ASTL: variants seen among roughly 807,000 people sequenced by gnomAD.
The protein encoded by ASTL is astacin-like metalloendopeptidase.
Under a neutral mutation model 36.7 loss-of-function variants are expected in ASTL, and 27 were observed. The observed-to-expected ratio is 0.73, with a 90% CI of 0.54 to 1.01. The LOEUF is 1.01. Among genes scored for constraint, ASTL ranks in the 50% least tolerant of loss-of-function variants. The pLI, the probability that ASTL is intolerant of heterozygous loss-of-function variation, is 0.00. For missense variants in ASTL, 524 were observed against 572.8 expected (o/e 0.91, Z 0.87); for synonymous variants, 222 against 228.1 (o/e 0.97, Z 0.24).
chr2:96,133,357 A>C, intron 5 of ASTL, 68 bp downstream of exon 5: 8 of 1,086,072 alleles, frequency 7.4e-6, no homozygotes, highest in Non-Finnish European at 1.0e-5. Flanking sequence ...ATTTTAGACA[A>C]TGGCCAAGTT....
chr2:96,134,050 G>C lies in ASTL; in HGVS notation c.252C>G (p.Phe84Leu). Residue 84 changes from phenylalanine (F) to leucine (L), a missense_variant, in exon 4 of 9, where the codon TTC (phenylalanine) becomes TTG (leucine). Transcript: ENST00000342380. ...IEGDIIRPSPFRLLSATSNKW... is the reference protein window; with the variant it reads ...IEGDIIRPSPLRLLSATSNKW... ...TGTTGCTGGTTGCTGACAGCAGTCG[G>C]AAGGGACTCTGAGGAGAGAGCAGCA... 6.2e-7 allele frequency: 1 copy of C among 1,612,970 alleles called. No homozygotes were observed. Among genetic ancestry groups the C allele is most frequent in the South Asian group, 1.1e-5 (1 of 91,048 alleles).
Position 96,123,967 on chromosome 2 carries a change from G to C in ASTL, c.1179C>G (p.Thr393=). 6.2e-7 allele frequency: 1 copy of C among 1,614,018 alleles called. No individual in the cohort carries two copies. The highest frequency in any genetic ancestry group is 1.7e-4 in the Middle Eastern group (1 of 6,058). Residue 393 remains threonine, a synonymous_variant, in exon 9 of 9, where the codon ACC becomes ACG. Coordinates refer to ENST00000342380, the MANE Select transcript of ASTL (RefSeq NM_001002036.4). The part of the protein sequence containing the change: ...QEQSWLAGVS[T]KPTVPSSEAG... ...CTTCTGAAGATGGGACTGTGGGCTT[G>C]GTGGACACTCCGGCCAGCCAGGACT...
chr2:96,132,798 C>T lies in ASTL; in HGVS notation c.456-77G>A. 1 of 1,357,840 alleles carries T rather than the reference C, an allele frequency of 7.4e-7. No homozygotes were observed. The highest frequency in any genetic ancestry group is 1.0e-6 in the Non-Finnish European group (1 of 988,668). 84.1% of individuals were successfully genotyped at this position (1,357,840 alleles called of 1,614,324 possible). On this transcript the variant is annotated intron_variant, in intron 5 of 8. Coordinates refer to ENST00000342380, the MANE Select transcript of ASTL (RefSeq NM_001002036.4). This position sits in a 1 kb window ranked among gnomAD's most constrained non-coding sequence, Gnocchi z 5.4. The stretch of plus-strand genomic sequence containing the variant: ...ACATACAGACCTGGGCTCTCCCTCC[C>T]CACACAACACAAGATAGACAAACTC...
Position 96,132,462 on chromosome 2 carries a change from T to C in ASTL, c.637+78A>G, listed in dbSNP as rs1682199682. 3 of 1,377,572 alleles carry C rather than the reference T, an allele frequency of 2.2e-6. No individual in the cohort carries two copies. The highest frequency in any genetic ancestry group is 1.4e-5 in the South Asian group (1 of 71,806). 85.3% of individuals were successfully genotyped at this position (1,377,572 alleles called of 1,614,324 possible). ...TGGGGAGGATGGATAGCCTCACCCA[T>C]GGGGACCAGGCGACTTGGGCCCAAG... On this transcript the variant is annotated intron_variant, in intron 6 of 8. Transcript: ENST00000342380. This position sits in a 1 kb window ranked among gnomAD's most constrained non-coding sequence, Gnocchi z 5.4.
At chr2:96,131,523 G>A (rs557244499) in intron 6 of ASTL, among the ~76,000 whole-genome samples, 3 of 152,254 alleles carry the variant, frequency 2.0e-5, no homozygotes, top group African/African-American at 7.2e-5. Context: ...GCATTGGGAA[G>A]GATCAGTCTG....
intron 1 of ASTL, 68 bp downstream of exon 1, chr2:96,138,314 C>A: frequency 2.1e-6 from 3 of 1,434,878 alleles, no homozygotes; most frequent in Admixed American, 1.9e-5. Context: ...CCAGCCACAA[C>A]CTTCTAGCCT....
chr2:96,129,691 C>T lies in ASTL; in HGVS notation c.874+133G>A, dbSNP rs150250190. ...CTTTCCTCAAGTGCTTGTTCTGCGT[C>T]GTTGTGGCAAGCCCCCGTGATCTCA... is the stretch of plus-strand genomic sequence containing the variant. On this transcript the variant is annotated intron_variant, in intron 8 of 8. Coordinates refer to ENST00000342380, the MANE Select transcript of ASTL (RefSeq NM_001002036.4). The T allele has an allele frequency of 6.2e-4, 476 of 762,928 alleles. 6 individuals carry two copies. The East Asian group carries it at 0.012, about 20-fold the overall frequency. 47.3% of individuals were successfully genotyped at this position (762,928 alleles called of 1,614,324 possible).
chr2:96,137,499 T>G (rs1682324850), intron 2 of ASTL, 76 bp downstream of exon 2: 1 of 1,522,736 alleles, frequency 6.6e-7, no homozygotes, highest in Admixed American at 1.8e-5. Flanking sequence ...GCTCTGCATT[T>G]CTGAGTGTTC....
At chr2:96,130,881 A>AT (rs1682164706) in intron 6 of ASTL, among the ~76,000 whole-genome samples, 1 of 152,158 alleles carries the variant, frequency 6.6e-6, no homozygotes, top group African/African-American at 2.4e-5. Context: ...TAGTATATTC[A>AT]TTTGGTTCAA....
rs1227342446 is a variant in ASTL, at chr2:96,123,520, G to A, written c.*330C>T. On this transcript the variant is annotated 3_prime_UTR_variant, in exon 9 of 9. Coordinates refer to ENST00000342380, the MANE Select transcript of ASTL (RefSeq NM_001002036.4). ...AGGAGGGATTCCAGGGTTCTGCGGG[G>A]CTGGAACCTACCTCTTCCCCACCCC... Among the ~76,000 whole-genome samples the A allele has an allele frequency of 6.6e-6, 1 of 152,154 alleles. No homozygotes were observed. The highest frequency in any genetic ancestry group is 6.5e-5 in the Admixed American group (1 of 15,286).
At chr2:96,137,789 C>T (rs1266858271) in intron 1 of ASTL, 89 bp from the exon 2 acceptor site, 1 of 1,366,692 alleles carries the variant, frequency 7.3e-7, no homozygotes, top group African/African-American at 1.4e-5. Context: ...TGTGGGGGAT[C>T]AGACGGTAAG....
Position 96,130,550 on chromosome 2 carries a change from C to T in ASTL, c.638-405G>A, listed in dbSNP as rs183526799. On this transcript the variant is annotated intron_variant, in intron 6 of 8. Transcript: ENST00000342380. ...TTGACCCAGCTTTAAAAAGCTGCCA[C>T]GCTGTCATCTGCAGTGGTGATGCCC... Among the ~76,000 whole-genome samples, 20 of 152,358 alleles carry T rather than the reference C, an allele frequency of 1.3e-4. No homozygotes were observed. In the East Asian group the frequency reaches 1.7e-3, roughly 13 times the overall value.
At position 96,122,863 on chromosome 2, in the gene ASTL, C is replaced by A. The variant is rs1431455666; in HGVS notation, c.*987G>T. ...TTATTTCCTCCCCCAACATGTGGGGCTCCTGCCCCTTCTACCCCAAGCAGG... is the reference window on the plus strand; with the variant it reads ...TTATTTCCTCCCCCAACATGTGGGGATCCTGCCCCTTCTACCCCAAGCAGG... On this transcript the variant is annotated 3_prime_UTR_variant, in exon 9 of 9. Transcript: ENST00000342380. Among the ~76,000 whole-genome samples the A allele has an allele frequency of 6.6e-6, 1 of 152,234 alleles. No homozygotes were observed. The highest frequency in any genetic ancestry group is 1.5e-5 in the Non-Finnish European group (1 of 68,036).
chr2:96,126,713 G>C (rs570706773), intron 8 of ASTL, among the ~76,000 whole-genome samples: 1 of 151,954 alleles, frequency 6.6e-6, no homozygotes, highest in African/African-American at 2.4e-5. Flanking sequence ...AAAATTAGCC[G>C]GGCATGGTGG....
In ASTL at chr2:96,124,985, A is replaced by G. The variant is rs952522301; in HGVS notation, c.875-714T>C. Among the ~76,000 whole-genome samples, 2 of 152,186 alleles carry G rather than the reference A, an allele frequency of 1.3e-5. No homozygotes were observed. The highest frequency in any genetic ancestry group is 1.3e-4 in the Admixed American group (2 of 15,284). ...CCCACACCGCCCTCCAGACCTGGTCAGCACCAGGAGCTACCACCACTGCAG... is the reference window on the plus strand; with the variant it reads ...CCCACACCGCCCTCCAGACCTGGTCGGCACCAGGAGCTACCACCACTGCAG... On this transcript the variant is annotated intron_variant, in intron 8 of 8. Coordinates refer to ENST00000342380, the MANE Select transcript of ASTL (RefSeq NM_001002036.4). This position sits in a 1 kb window ranked among gnomAD's most constrained non-coding sequence, Gnocchi z 4.1.
intron 6 of ASTL, among the ~76,000 whole-genome samples, chr2:96,131,193 C>T (rs1486135697): frequency 6.6e-6 from 1 of 152,184 alleles, no homozygotes; most frequent in African/African-American, 2.4e-5. Flanking sequence ...CTTGGGTTGA[C>T]ATGCTCAATT....
At chr2:96,126,168 T>C (rs1682060015) in intron 8 of ASTL, among the ~76,000 whole-genome samples, 3 of 152,166 alleles carry the variant, frequency 2.0e-5, no homozygotes, top group South Asian at 4.1e-4. Context: ...AATTGGTCAG[T>C]TGGACTTCCA....
intron 8 of ASTL, among the ~76,000 whole-genome samples, chr2:96,126,048 T>C (rs1682057943): frequency 6.6e-6 from 1 of 152,026 alleles, no homozygotes; most frequent in Non-Finnish European, 1.5e-5. Context: ...TCCAAATAGG[T>C]CATATACCTA....
At position 96,133,494 on chromosome 2, in the gene ASTL, C is replaced by A. The variant is rs201102363; in HGVS notation, c.386G>T (p.Arg129Leu). The A allele has an allele frequency of 6.2e-7, 1 of 1,614,196 alleles. No individual in the cohort carries two copies. The highest frequency in any genetic ancestry group is 1.7e-5 in the Admixed American group (1 of 60,032). Reference sequence around the variant, plus strand: ...GGTGACAAACCTGATGCACGTGGAACGTTCAAACTCCGCAAGAGCCTCCAG... The same window carrying A: ...GGTGACAAACCTGATGCACGTGGAAAGTTCAAACTCCGCAAGAGCCTCCAG... ...VILEALAEFE[R>L]STCIRFVTYQ... Residue 129 changes from arginine to leucine, a missense_variant, in exon 5 of 9, where the codon CGT becomes CTT. Coordinates refer to ENST00000342380, the MANE Select transcript of ASTL (RefSeq NM_001002036.4).
Sources: gnomAD v4.1 joint callset for allele counts (sites outside exome capture counted in the v4.1 genomes callset) on GRCh38, gnomAD v4.1.1 for gene constraint, Gnocchi (gnomAD v3.1) non-coding constraint, MANE v1.5 for transcripts, NCBI Gene and HGNC (gene_info 2026-07-23, HGNC 2026-07-21) for gene names.